The following FAM149B1 variants were observed in gnomAD, a reference collection of about 807,000 sequenced individuals.
FAM149B1 encodes the protein family with sequence similarity 149 member B1.
Under a neutral mutation model 75.3 loss-of-function variants are expected in FAM149B1, and 56 were observed. The ratio of observed to expected loss-of-function variants is 0.74; its 90% CI spans 0.60 to 0.93. FAM149B1 has a LOEUF of 0.93. FAM149B1 is among the 40% of genes least tolerant of loss of function. FAM149B1 has a pLI of 0.00. For missense variants in FAM149B1, 639 were observed against 708.4 expected, an observed-to-expected ratio of 0.90 and a Z score of 1.11; for synonymous variants, 259 against 256.1, an observed-to-expected ratio of 1.01 and a Z score of -0.11.
chr10:73,207,490 G>C (rs2043092817), intron 5 of FAM149B1, among the ~76,000 whole-genome samples: 2 of 151,994 alleles, frequency 1.3e-5, no homozygotes, highest in Non-Finnish European at 2.9e-5. Flanking sequence ...CTTGAACCCG[G>C]GAGGCAGAGG....
intron 5 of FAM149B1, chr10:73,201,146 C>A: frequency 3.7e-6 from 1 of 271,808 alleles, no homozygotes; most frequent in Non-Finnish European, 7.5e-6. Flanking sequence ...CTGAGGAAGG[C>A]AAGAGGATTC....
chr10:73,192,317 G>A (rs2042703940), intron 3 of FAM149B1: 1 of 404,958 alleles, frequency 2.5e-6, no homozygotes, highest in African/African-American at 2.1e-5. Context: ...CACTGTACTT[G>A]GACCAGCCTA....
rs2042481606 is a variant in FAM149B1 at position 73,184,776 on chromosome 10, G to A, written c.282+6801G>A. Among the ~76,000 whole-genome samples, 3 of 152,272 alleles carry A rather than the reference G, an allele frequency of 2.0e-5. No individual in the cohort carries two copies. In the South Asian group the frequency reaches 6.2e-4, roughly 32 times the overall value. On this transcript the variant is annotated intron_variant, in intron 3 of 13. Coordinates refer to ENST00000242505, the MANE Select transcript of FAM149B1 (RefSeq NM_173348.2). ...AACATTTATGGGATGCAGCTAGGAG[G>A]AAATGAATAGCTTTAAATGTCTACA...
chr10:73,200,795 A>G (rs2042916991), intron 5 of FAM149B1: 1 of 480,102 alleles, frequency 2.1e-6, no homozygotes, highest in Admixed American at 2.5e-5. Flanking sequence ...GAAGTTGGAT[A>G]TACTTTGTGA....
At chr10:73,224,376 C>G (rs2043486024) in intron 7 of FAM149B1, among the ~76,000 whole-genome samples, 1 of 152,026 alleles carries the variant, frequency 6.6e-6, no homozygotes, top group East Asian at 1.9e-4. Context: ...AAACATACAT[C>G]AGAAACTACC....
chr10:73,178,091 C>T lies in FAM149B1; in HGVS notation c.282+116C>T, dbSNP rs190318295. 526 of 1,067,462 alleles carry T rather than the reference C, an allele frequency of 4.9e-4. No individual in the cohort carries two copies. The African/African-American group carries it at 7.7e-3, about 16-fold the overall frequency. The allele number at this position is 1,067,462 out of a possible 1,614,324, so 66.1% of individuals were successfully genotyped here. On this transcript the variant is annotated intron_variant, in intron 3 of 13. Transcript: ENST00000242505. ...GCATTGTTTCTTTACATTTATCATACTTCATAATAACTGTAAAGAAGTATC... is the reference window on the plus strand; with the variant it reads ...GCATTGTTTCTTTACATTTATCATATTTCATAATAACTGTAAAGAAGTATC...
intron 5 of FAM149B1, among the ~76,000 whole-genome samples, chr10:73,195,000 T>C (rs2133340553): frequency 6.6e-6 from 1 of 152,280 alleles, no homozygotes; most frequent in Non-Finnish European, 1.5e-5. Flanking sequence ...AGTTTTTAAA[T>C]GGCAAAATCT....
chr10:73,182,014 TTA>T (rs2042410571), intron 3 of FAM149B1, among the ~76,000 whole-genome samples: 1 of 152,218 alleles, frequency 6.6e-6, no homozygotes, highest in Non-Finnish European at 1.5e-5. Flanking sequence ...TTATCTCTTC[TTA>T]TAGTTTCTGT....
chr10:73,208,634 A>G lies in FAM149B1; in HGVS notation c.558A>G (p.Gly186=). 1.3e-6 allele frequency: 2 copies of G among 1,528,730 alleles called. No individual in the cohort carries two copies. Among genetic ancestry groups the G allele is most frequent in the South Asian group, 2.5e-5 (2 of 80,466 alleles). The allele number at this position is 1,528,730 out of a possible 1,614,324, so 94.7% of individuals were successfully genotyped here. ...ERDSTIFGIR[G]KKLHFSSSYA... is the part of the protein sequence containing the mutation. ...CCACTCCAAGATTTGGTATAAGGGG[A>G]AAGAAGTTACATTTTTCATCTTCTT... Residue 186 remains glycine (G), a synonymous_variant, in exon 6 of 14, where the codon GGA becomes GGG. Transcript: ENST00000242505.
chr10:73,169,633 A>C (rs552693974), intron 1 of FAM149B1, among the ~76,000 whole-genome samples: 3 of 151,782 alleles, frequency 2.0e-5, no homozygotes, highest in Non-Finnish European at 4.4e-5. Flanking sequence ...ATTAAAAAAA[A>C]ATTTTTTTTT....
At chr10:73,176,611 C>T (rs886801295) in intron 2 of FAM149B1, among the ~76,000 whole-genome samples, 1 of 152,102 alleles carries the variant, frequency 6.6e-6, no homozygotes, top group South Asian at 2.1e-4. Context: ...ATAGGCCGGG[C>T]GTGATGGCTC....
chr10:73,234,979 T>C (rs1253083121), intron 11 of FAM149B1, 39 bp downstream of exon 11: 2 of 1,547,576 alleles, frequency 1.3e-6, no homozygotes, highest in Non-Finnish European at 8.7e-7. Flanking sequence ...GTACTTACCA[T>C]ACAACCTAAT....
At chr10:73,177,574 CA>C (rs112060986) in intron 2 of FAM149B1, among the ~76,000 whole-genome samples, 2 of 145,240 alleles carry the variant, frequency 1.4e-5, no homozygotes, top group Non-Finnish European at 1.5e-5. Flanking sequence ...ATTCTGTCTC[CA>C]AAAAAAAAAG....
chr10:73,232,295 T>C (rs2043724870), intron 9 of FAM149B1, among the ~76,000 whole-genome samples: 1 of 152,202 alleles, frequency 6.6e-6, no homozygotes, highest in African/African-American at 2.4e-5. Flanking sequence ...TTATTTTATT[T>C]ATTGGACGAC....
intron 9 of FAM149B1, among the ~76,000 whole-genome samples, chr10:73,232,640 C>T (rs1301761930): frequency 6.6e-6 from 1 of 152,216 alleles, no homozygotes; most frequent in Non-Finnish European, 1.5e-5. Flanking sequence ...TTCAGGCTTG[C>T]CTTCACTGGT....
At chr10:73,216,893 C>G (rs1392100366) in intron 7 of FAM149B1, among the ~76,000 whole-genome samples, 1 of 152,186 alleles carries the variant, frequency 6.6e-6, no homozygotes, top group Non-Finnish European at 1.5e-5. Flanking sequence ...TCACCACAAT[C>G]AATATAGTGA....
In FAM149B1 at chr10:73,208,496, A is replaced by G. The variant is rs528427546; in HGVS notation, c.543-123A>G. ...GAGAAATGGTAGGTTATTGAGGCTT[A>G]GAATAGTCCACGAAGGTATTGCCAG... On this transcript the variant is annotated intron_variant, in intron 5 of 13. Coordinates refer to ENST00000242505, the MANE Select transcript of FAM149B1 (RefSeq NM_173348.2). 5.0e-6 allele frequency: 3 copies of G among 596,386 alleles called. No individual in the cohort carries two copies. In the South Asian group the frequency reaches 7.6e-5, roughly 15 times the overall value. 36.9% of individuals were successfully genotyped at this position (596,386 alleles called of 1,614,324 possible). A position where few individuals can be genotyped will look rare whatever the true frequency, so the allele number is the denominator to read the frequency against.
At chr10:73,180,011 C>T (rs944821190) in intron 3 of FAM149B1, among the ~76,000 whole-genome samples, 3 of 151,968 alleles carry the variant, frequency 2.0e-5, no homozygotes, top group Admixed American at 6.6e-5. Context: ...TGTACTTGGC[C>T]TTGGGAATAT....
chr10:73,224,939 T>C (rs1414917723), intron 7 of FAM149B1, among the ~76,000 whole-genome samples: 1 of 152,190 alleles, frequency 6.6e-6, no homozygotes, highest in Non-Finnish European at 1.5e-5. Flanking sequence ...CTTTGGTCAA[T>C]GTTGGACCAC....
Sources: gnomAD v4.1 joint callset for allele counts (sites outside exome capture counted in the v4.1 genomes callset) on GRCh38, gnomAD v4.1.1 for gene constraint, MANE v1.5 for transcripts, NCBI Gene and HGNC (gene_info 2026-07-23, HGNC 2026-07-21) for gene names.